Variants in HSPA14 observed in about 807,000 individuals in gnomAD.
HSPA14 encodes heat shock protein family A (Hsp70) member 14, also known as heat shock 70 kDa protein 14.
Under a neutral mutation model 65.5 loss-of-function variants are expected in HSPA14, and 37 were observed. The observed-to-expected ratio is 0.56, with a 90% CI of 0.43 to 0.74. The LOEUF is 0.74. Ranked by LOEUF, HSPA14 falls within the 30% of genes least tolerant of loss-of-function variation. HSPA14 has a pLI of 0.00. For synonymous variants in HSPA14, 203 were observed against 214.2 expected (o/e 0.95, Z 0.46); for missense variants, 564 against 607.6 (o/e 0.93, Z 0.75).
chr10:14,848,950 C>A, intron 5 of HSPA14, 55 bp downstream of exon 5: 3 of 972,820 alleles, frequency 3.1e-6, no homozygotes, highest in Non-Finnish European at 4.7e-6. Context: ...GAAAGTTGAC[C>A]TTAAAAAAAA....
Position 14,842,073 on chromosome 10 carries a change from C to A in HSPA14, c.221+1916C>A. The A allele has an allele frequency of 7.6e-7, 1 of 1,308,282 alleles. No individual in the cohort carries two copies. Among genetic ancestry groups the A allele is most frequent in the Non-Finnish European group, 1.1e-6 (1 of 944,638 alleles). 81.0% of individuals were successfully genotyped at this position (1,308,282 alleles called of 1,614,324 possible). On this transcript the variant is annotated intron_variant, in intron 3 of 13. Transcript: ENST00000378372. The surrounding 1 kb of genome is among the most constrained non-coding windows in gnomAD (Gnocchi z 5.2). ...CCTACTCACAGGTAGCACCACTTAACTTGCTGCCAAAATTATCCTTACACC... is the reference window on the plus strand; with the variant it reads ...CCTACTCACAGGTAGCACCACTTAAATTGCTGCCAAAATTATCCTTACACC...
intron 6 of HSPA14, among the ~76,000 whole-genome samples, chr10:14,850,265 G>A (rs1269675765): frequency 2.0e-4 from 28 of 139,160 alleles, no homozygotes; most frequent in African/African-American, 8.3e-4. Flanking sequence ...GCGAGACTTC[G>A]TCTCAAAAAA....
At chr10:14,846,625 T>C (rs1200101781) in intron 3 of HSPA14, 8 of 955,286 alleles carry the variant, frequency 8.4e-6, no homozygotes, top group Non-Finnish European at 1.0e-5. Context: ...CTCAGGTTCC[T>C]CATTTATAAA....
intron 3 of HSPA14, chr10:14,845,294 T>C (rs892803783): frequency 1.0e-6 from 1 of 985,306 alleles, no homozygotes; most frequent in African/African-American, 1.7e-5. Context: ...TTTCCAATAA[T>C]CTAGAAGTTG....
intron 10 of HSPA14, among the ~76,000 whole-genome samples, chr10:14,861,430 AC>A (rs1299773324): frequency 7.9e-5 from 12 of 151,270 alleles, no homozygotes; most frequent in Non-Finnish European, 1.6e-4. Context: ...GGCTCAAGCG[AC>A]CCTCCCGCCT....
chr10:14,870,815 C>A, intron 13 of HSPA14, 148 bp downstream of exon 13: 1 of 701,132 alleles, frequency 1.4e-6, no homozygotes, highest in Non-Finnish European at 2.2e-6. Flanking sequence ...TTTTTGCCCC[C>A]AGAATTACTA....
In HSPA14 at chr10:14,842,239, G is replaced by A. The variant is rs945212520; in HGVS notation, c.221+2082G>A. ...AGAGCTTCCCCACACCTTCAGACTT[G>A]CACCTTGCTGTCCAGAAGCTGCCTA... On this transcript the variant is annotated intron_variant, in intron 3 of 13. Transcript: ENST00000378372. This position sits in a 1 kb window ranked among gnomAD's most constrained non-coding sequence, Gnocchi z 5.2. 1 of 1,535,646 alleles carries A rather than the reference G, an allele frequency of 6.5e-7. No homozygotes were observed. The highest frequency in any genetic ancestry group is 2.4e-5 in the East Asian group (1 of 40,902).
At chr10:14,846,143 T>C in intron 3 of HSPA14, 2 of 984,450 alleles carry the variant, frequency 2.0e-6, no homozygotes, top group Non-Finnish European at 2.4e-6. Flanking sequence ...AAAGAGCATA[T>C]ATTTAAGGCA....
intron 10 of HSPA14, among the ~76,000 whole-genome samples, chr10:14,864,717 T>A (rs1221948836): frequency 6.6e-6 from 1 of 152,232 alleles, no homozygotes; most frequent in Non-Finnish European, 1.5e-5. Flanking sequence ...CTTAATCCAG[T>A]CTATCCTTAT....
At chr10:14,846,043 A>AT (rs1834047126) in intron 3 of HSPA14, 1 of 969,728 alleles carries the variant, frequency 1.0e-6, no homozygotes, top group South Asian at 4.8e-5. Flanking sequence ...ACTGGTAACA[A>AT]TTTTAAGGTA....
intron 12 of HSPA14, among the ~76,000 whole-genome samples, chr10:14,869,690 A>G (rs906309007): frequency 6.6e-6 from 1 of 152,206 alleles, no homozygotes; most frequent in African/African-American, 2.4e-5. Context: ...CTTGGAATCT[A>G]TTGGTAAAGT....
chr10:14,839,163 A>C (rs748390328), intron 1 of HSPA14, among the ~76,000 whole-genome samples: 5 of 152,204 alleles, frequency 3.3e-5, no homozygotes, highest in Non-Finnish European at 5.9e-5. Flanking sequence ...TTCTCTCATC[A>C]GTGGGGAGGC....
chr10:14,846,959 G>C (rs899814551), intron 3 of HSPA14: 3 of 985,214 alleles, frequency 3.0e-6, no homozygotes, highest in Non-Finnish European at 2.4e-6. Context: ...TTTCTGTTCG[G>C]TAATCCTGGT....
chr10:14,845,170 G>A (rs1834033251), intron 3 of HSPA14: 2 of 985,272 alleles, frequency 2.0e-6, no homozygotes, highest in Non-Finnish European at 2.4e-6. Context: ...CCACACTTCC[G>A]ATTTACTCTA....
intron 3 of HSPA14, chr10:14,846,227 G>A: frequency 1.0e-6 from 1 of 975,612 alleles, no homozygotes; most frequent in Non-Finnish European, 1.2e-6. Context: ...TCAATTATAG[G>A]TAGGTAGGTA....
At chr10:14,865,344 AT>A (rs1260573012) in intron 10 of HSPA14, among the ~76,000 whole-genome samples, 22 of 151,264 alleles carry the variant, frequency 1.5e-4, no homozygotes, top group Non-Finnish European at 3.1e-4. Context: ...CCATTTGTCA[AT>A]TTTGGCTTTT....
intron 11 of HSPA14, 145 bp from the exon 12 acceptor site, chr10:14,867,591 A>T (rs1405039819): frequency 1.4e-6 from 1 of 699,158 alleles, no homozygotes; most frequent in African/African-American, 1.8e-5. Context: ...AAAGTGAAGT[A>T]GGATTAAGGA....
Position 14,838,313 on chromosome 10 carries a change from T to C in HSPA14, c.-90T>C. ...CAGGGGGCTGGCGGGAACGTGAAGC[T>C]CCGCGGTGCCTGATGGGGCCGTTGG... On this transcript the variant is annotated 5_prime_UTR_variant, in exon 1 of 14. Coordinates refer to ENST00000378372, the MANE Select transcript of HSPA14 (RefSeq NM_016299.4). The C allele has an allele frequency of 1.5e-6, 2 of 1,333,236 alleles. No homozygotes were observed. Among genetic ancestry groups the C allele is most frequent in the East Asian group, 5.0e-5 (2 of 40,196 alleles). The allele number at this position is 1,333,236 out of a possible 1,614,324, so 82.6% of individuals were successfully genotyped here.
At chr10:14,840,937 C>T (rs1377878487) in intron 3 of HSPA14, among the ~76,000 whole-genome samples, 1 of 152,076 alleles carries the variant, frequency 6.6e-6, no homozygotes, top group Non-Finnish European at 1.5e-5. Flanking sequence ...TGGCATTATC[C>T]TAGGGGGTAA....
Sources: gnomAD v4.1 joint callset for allele counts (sites outside exome capture counted in the v4.1 genomes callset) on GRCh38, gnomAD v4.1.1 for gene constraint, Gnocchi (gnomAD v3.1) non-coding constraint, MANE v1.5 for transcripts, NCBI Gene and HGNC (gene_info 2026-07-23, HGNC 2026-07-21) for gene names.